VTI1B: variants seen among roughly 807,000 people sequenced by gnomAD.
VTI1B encodes the protein vesicle transport through interaction with t-SNAREs homolog 1B.
In VTI1B, 18 loss-of-function variants were observed where a neutral mutation model predicts 28.6. That is an observed-to-expected ratio of 0.63 (90% CI 0.43 to 0.93). The LOEUF (loss-of-function observed/expected upper bound fraction) is 0.93. Ranked by LOEUF, VTI1B falls within the 40% of genes least tolerant of loss-of-function variation. The probability of loss-of-function intolerance (pLI) is 0.00; values close to 1 mark genes in which losing one functional copy is unlikely to be tolerated. For missense variants in VTI1B, 283 were observed against 297.0 expected, an observed-to-expected ratio of 0.95 and a Z score of 0.35; for synonymous variants, 100 against 107.9, an observed-to-expected ratio of 0.93 and a Z score of 0.46.
chr14:67,656,799 C>CA (rs1439007276), intron 3 of VTI1B, among the ~76,000 whole-genome samples: 16 of 152,270 alleles, frequency 1.1e-4, no homozygotes, highest in African/African-American at 3.6e-4. Context: ...ACAATACCCC[C>CA]ACTCCACTGC....
At position 67,674,611 on chromosome 14, in the gene VTI1B, G is replaced by T. The variant is rs2037511785; in HGVS notation, c.-122C>A. The T allele has an allele frequency of 2.8e-6, 2 of 718,656 alleles. No individual in the cohort carries two copies. The highest frequency in any genetic ancestry group is 4.1e-6 in the Non-Finnish European group (2 of 482,530). 44.5% of individuals were successfully genotyped at this position (718,656 alleles called of 1,614,324 possible). A position where few individuals can be genotyped will look rare whatever the true frequency, so the allele number is the denominator to read the frequency against. On this transcript the variant is annotated 5_prime_UTR_variant, in exon 1 of 6. Transcript: ENST00000554659. ...CGACCGCCGCACCACCGCCGCCCAG[G>T]ACGAGGCTCTTCCGGAGCCGCGGCA...
At chr14:67,656,735 A>G (rs2037263343) in intron 3 of VTI1B, 146 bp from the exon 4 acceptor site, 1 of 906,134 alleles carries the variant, frequency 1.1e-6, no homozygotes, top group South Asian at 3.0e-5. Flanking sequence ...GAAGCTAATG[A>G]TTCTTTTCAA....
At chr14:67,664,546 G>A in intron 1 of VTI1B, among the ~76,000 whole-genome samples, 1 of 151,640 alleles carries the variant, frequency 6.6e-6, no homozygotes, top group East Asian at 1.9e-4. Flanking sequence ...TCCCAGGCTG[G>A]AGTGCAGTGG....
In VTI1B at chr14:67,656,542, G is replaced by A. The variant is rs183333044; in HGVS notation, c.414C>T (p.Ser138=). 2.5e-6 allele frequency: 4 copies of A among 1,613,932 alleles called. No homozygotes were observed. The highest frequency in any genetic ancestry group is 1.7e-5 in the Admixed American group (1 of 60,020). The change falls in exon 4 of 6, where the codon AGC becomes AGT. Residue 138 remains serine, a synonymous_variant. Transcript: ENST00000554659. ...QRAMLLQGTE[S]LNRATQSIER... ...CAATACTTTGGGTGGCCCGGTTCAG[G>A]CTTTCAGTGCCCTGCAGAAGCATTG...
Position 67,650,959 on chromosome 14 carries a change from C to T in VTI1B, c.*426G>A, listed in dbSNP as rs2037167661. On this transcript the variant is annotated 3_prime_UTR_variant, in exon 6 of 6. Transcript: ENST00000554659. ...CTGACATGTTTCACAACAGGCATTC[C>T]AGAATTATGAGGCATTGAGGGGATA... 1.3e-6 allele frequency: 2 copies of T among 1,588,176 alleles called. No individual in the cohort carries two copies. Among genetic ancestry groups the T allele is most frequent in the East Asian group, 4.5e-5 (2 of 44,770 alleles).
intron 3 of VTI1B, 27 bp from the exon 4 acceptor site, chr14:67,656,616 T>C: frequency 6.3e-7 from 1 of 1,583,538 alleles, no homozygotes; most frequent in East Asian, 2.2e-5. Flanking sequence ...AGAGAAATGT[T>C]AGACTTTTTC....
At chr14:67,673,237 CA>C (rs1201386828) in intron 1 of VTI1B, among the ~76,000 whole-genome samples, 5 of 151,996 alleles carry the variant, frequency 3.3e-5, no homozygotes, top group African/African-American at 1.2e-4. Context: ...CCTATTACTC[CA>C]GAGGCTGAGG....
Position 67,650,741 on chromosome 14 carries a change from G to A in VTI1B, c.*644C>T. 6.2e-7 allele frequency: 1 copy of A among 1,614,072 alleles called. No homozygotes were observed. Among genetic ancestry groups the A allele is most frequent in the Non-Finnish European group, 8.5e-7 (1 of 1,180,020 alleles). ...GTTGCTATCAGCACTGGATCTTGTT[G>A]AAGTCAATCCTCAGTTGGCCACCTC... On this transcript the variant is annotated 3_prime_UTR_variant, in exon 6 of 6. Coordinates refer to ENST00000554659, the MANE Select transcript of VTI1B (RefSeq NM_006370.3).
At position 67,651,494 on chromosome 14, in the gene VTI1B, G is replaced by A; in HGVS notation, c.603-13C>T. 6.2e-7 allele frequency: 1 copy of A among 1,613,034 alleles called. No individual in the cohort carries two copies. The highest frequency in any genetic ancestry group is 8.5e-7 in the Non-Finnish European group (1 of 1,179,238). ...GTTGGTTGTCACTCTACAAAGAGAA[G>A]CAAAGTGGGGAGTAGTCAGAAGTTT... On this transcript the variant is annotated splice_polypyrimidine_tract_variant and intron_variant, in intron 5 of 5. Transcript: ENST00000554659.
chr14:67,654,832 A>G (rs2037233265), intron 4 of VTI1B, among the ~76,000 whole-genome samples: 1 of 151,872 alleles, frequency 6.6e-6, no homozygotes. Context: ...GATCGAGACC[A>G]TCCTTGCTAA....
intron 5 of VTI1B, among the ~76,000 whole-genome samples, chr14:67,652,981 G>A (rs754177228): frequency 6.6e-5 from 10 of 151,998 alleles, no homozygotes; most frequent in Non-Finnish European, 1.5e-4. Flanking sequence ...TAGTAGAGAC[G>A]GGTTTCACCA....
At chr14:67,657,718 G>T (rs1202837739) in intron 3 of VTI1B, among the ~76,000 whole-genome samples, 1 of 151,280 alleles carries the variant, frequency 6.6e-6, no homozygotes, top group Non-Finnish European at 1.5e-5. Flanking sequence ...TTGGCTCCCA[G>T]AACAGAAGTA....
chr14:67,657,598 G>GCACGCACACA (rs1221889562), intron 3 of VTI1B, among the ~76,000 whole-genome samples: 3 of 112,372 alleles, frequency 2.7e-5, no homozygotes, highest in African/African-American at 1.1e-4. Flanking sequence ...GCGCGCGCGT[G>GCACGCACACA]CACACACACA....
At chr14:67,668,250 A>G (rs1042872871) in intron 1 of VTI1B, among the ~76,000 whole-genome samples, 3 of 152,226 alleles carry the variant, frequency 2.0e-5, no homozygotes, top group Admixed American at 6.5e-5. Context: ...AAATTATAGC[A>G]CATTATAGTA....
At chr14:67,671,419 G>A (rs1171770439) in intron 1 of VTI1B, among the ~76,000 whole-genome samples, 2 of 151,992 alleles carry the variant, frequency 1.3e-5, no homozygotes, top group African/African-American at 2.4e-5. Context: ...CCAGCTACTC[G>A]GAAGGCTGAG....
At chr14:67,654,660 T>C (rs1319505451) in intron 4 of VTI1B, among the ~76,000 whole-genome samples, 1 of 152,174 alleles carries the variant, frequency 6.6e-6, no homozygotes, top group East Asian at 1.9e-4. Flanking sequence ...GTCCAAATCT[T>C]GGCCACAGTA....
chr14:67,671,256 T>C (rs1048583980), intron 1 of VTI1B, among the ~76,000 whole-genome samples: 11 of 152,212 alleles, frequency 7.2e-5, no homozygotes, highest in African/African-American at 2.2e-4. Context: ...TTGGGCGCAG[T>C]GGCTCACACC....
rs2037130300 is a variant in VTI1B, at chr14:67,648,488, T to C, written c.*2897A>G. 4.7e-6 allele frequency: 1 copy of C among 210,688 alleles called. No individual in the cohort carries two copies. Among genetic ancestry groups the C allele is most frequent in the African/African-American group, 2.3e-5 (1 of 43,102 alleles). The allele number at this position is 210,688 out of a possible 1,614,324, so 13.1% of individuals were successfully genotyped here. On this transcript the variant is annotated 3_prime_UTR_variant, in exon 6 of 6. Coordinates refer to ENST00000554659, the MANE Select transcript of VTI1B (RefSeq NM_006370.3). ...GTTCTTTGAGTTATCTAAAGGCAGA[T>C]TAAGATAAGAAGGCAAGATAAGATA...
In VTI1B at chr14:67,648,003, GTTAAGTATTATT is replaced by G. The variant is rs760313587; in HGVS notation, c.*3370_*3381del. 104 of 1,532,370 alleles carry G rather than the reference GTTAAGTATTATT, an allele frequency of 6.8e-5. No homozygotes were observed. Among genetic ancestry groups the G allele is most frequent in the Admixed American group, 5.8e-4 (30 of 51,420 alleles). The allele number at this position is 1,532,370 out of a possible 1,614,324, so 94.9% of individuals were successfully genotyped here. ...AAGGATGAGTGTCCAAGGACAACCA[GTTAAGTATTATT>G]TTAAGTATTATTTTATCCTCTTCCT... On this transcript the variant is annotated 3_prime_UTR_variant, in exon 6 of 6. Transcript: ENST00000554659.
Sources: allele counts gnomAD v4.1 joint callset (sites outside exome capture counted in the v4.1 genomes callset), GRCh38; gene constraint gnomAD v4.1.1; transcripts MANE v1.5; gene names NCBI Gene and HGNC (gene_info 2026-07-23, HGNC 2026-07-21).